DIPK1A: variants seen among roughly 807,000 people sequenced by gnomAD.
DIPK1A encodes the protein family with sequence similarity 69 member A.
A neutral mutation model predicts 40.8 loss-of-function variants in DIPK1A; 27 were observed. That is an observed-to-expected ratio of 0.66 (90% CI 0.49 to 0.91). The LOEUF is 0.91. Ranked by LOEUF, DIPK1A falls within the 40% of genes least tolerant of loss-of-function variation. The pLI is 0.00. For synonymous variants in DIPK1A, 166 were observed against 171.3 expected, an observed-to-expected ratio of 0.97 and a Z score of 0.24; for missense variants, 412 against 505.7, an observed-to-expected ratio of 0.81 and a Z score of 1.78.
chr1:92,896,722 A>G (rs1649182816), intron 1 of DIPK1A, among the ~76,000 whole-genome samples: 1 of 152,158 alleles, frequency 6.6e-6, no homozygotes, highest in African/African-American at 2.4e-5. Flanking sequence ...CAGGCAACCT[A>G]CAGAATGGGA....
intron 1 of DIPK1A, among the ~76,000 whole-genome samples, chr1:92,912,156 T>C (rs1649856424): frequency 6.6e-6 from 1 of 152,056 alleles, no homozygotes; most frequent in Non-Finnish European, 1.5e-5. Context: ...TTTGTTGTCA[T>C]TGGTTTCAAT....
intron 1 of DIPK1A, among the ~76,000 whole-genome samples, chr1:92,940,036 C>T (rs1227735207): frequency 6.6e-6 from 1 of 152,066 alleles, no homozygotes; most frequent in Non-Finnish European, 1.5e-5. Flanking sequence ...ATTAAGCTGG[C>T]TAATGGTGAA....
At chr1:92,958,561 C>T (rs1651935544) in intron 1 of DIPK1A, among the ~76,000 whole-genome samples, 1 of 152,176 alleles carries the variant, frequency 6.6e-6, no homozygotes, top group African/African-American at 2.4e-5. Context: ...TCCCCCCAAA[C>T]AGAACAAGAT....
intron 1 of DIPK1A, among the ~76,000 whole-genome samples, chr1:92,893,331 G>A (rs1317331895): frequency 6.6e-6 from 1 of 151,822 alleles, no homozygotes; most frequent in Non-Finnish European, 1.5e-5. Context: ...AGCCAGAAGA[G>A]AGTGGGGGCC....
rs1398614571 is a variant in DIPK1A, at chr1:92,844,177, C to T, written c.493G>A (p.Gly165Arg). Residue 165 changes from glycine to arginine, a missense_variant, in exon 5 of 5, where the codon GGA becomes AGA. Coordinates refer to ENST00000370310, the MANE Select transcript of DIPK1A (RefSeq NM_001006605.5). ...SLFKAKLGDQ[G>R]NLSELVNLIL... ...AGATTAACCAGTTCAGAGAGGTTTC[C>T]TTGGTCACCCAATTTTGCCTGTCAA... The T allele has an allele frequency of 6.5e-7, 1 of 1,545,360 alleles. No individual in the cohort carries two copies.
At chr1:92,947,179 G>A (rs1470519926) in intron 1 of DIPK1A, among the ~76,000 whole-genome samples, 2 of 152,070 alleles carry the variant, frequency 1.3e-5, no homozygotes, top group African/African-American at 4.8e-5. Flanking sequence ...AATTTTGAAT[G>A]CATTTTTCAA....
intron 1 of DIPK1A, among the ~76,000 whole-genome samples, chr1:92,925,269 AGATTT>A (rs1173223791): frequency 1.3e-5 from 2 of 152,162 alleles, no homozygotes; most frequent in African/African-American, 4.8e-5. Context: ...TGTCTTTACT[AGATTT>A]TAGTATCTGA....
chr1:92,902,188 A>G (rs1051368751), intron 1 of DIPK1A, among the ~76,000 whole-genome samples: 1 of 152,170 alleles, frequency 6.6e-6, no homozygotes, highest in Non-Finnish European at 1.5e-5. Flanking sequence ...GTGCTGCTTC[A>G]ACTTAGGCAC....
intron 1 of DIPK1A, among the ~76,000 whole-genome samples, chr1:92,942,462 T>C (rs953833281): frequency 2.6e-5 from 4 of 152,222 alleles, no homozygotes; most frequent in Non-Finnish European, 4.4e-5. Flanking sequence ...TTAAAACCCA[T>C]TGAACTCAAC....
At chr1:92,914,035 A>C (rs1649945293) in intron 1 of DIPK1A, among the ~76,000 whole-genome samples, 1 of 152,104 alleles carries the variant, frequency 6.6e-6, no homozygotes, top group Non-Finnish European at 1.5e-5. Context: ...TATAATATAC[A>C]TAGACACTCC....
In DIPK1A at chr1:92,843,746, C is replaced by G. The variant is rs1335691135; in HGVS notation, c.924G>C (p.Leu308Phe). 6.4e-7 allele frequency: 1 copy of G among 1,551,730 alleles called. No homozygotes were observed. The highest frequency in any genetic ancestry group is 2.0e-5 in the Admixed American group (1 of 50,988). Residue 308 changes from leucine to phenylalanine, a missense_variant, in exon 5 of 5, where the codon TTG becomes TTC. By Grantham distance (22) the Leu-to-Phe change is conservative. Transcript: ENST00000370310. ...CAATTTTTCTCATATCCACCATTTT[C>G]AAATCATACTTATCATTATATCCTA... ...KNLGYNDKYD[L>F]KMVDMRKIVP...
intron 1 of DIPK1A, among the ~76,000 whole-genome samples, chr1:92,902,215 G>C (rs1234314857): frequency 1.3e-5 from 2 of 152,182 alleles, no homozygotes; most frequent in Non-Finnish European, 2.9e-5. Context: ...GGCCTGAGCA[G>C]CCTAAGTACT....
chr1:92,920,647 C>T (rs1449033238), intron 1 of DIPK1A, among the ~76,000 whole-genome samples: 1 of 152,192 alleles, frequency 6.6e-6, no homozygotes, highest in African/African-American at 2.4e-5. Flanking sequence ...AGAAGATTAA[C>T]AGATGTTTTA....
chr1:92,855,044 A>C (rs1329670090), intron 2 of DIPK1A, among the ~76,000 whole-genome samples: 1 of 152,184 alleles, frequency 6.6e-6, no homozygotes, highest in Non-Finnish European at 1.5e-5. Context: ...CATAGCTCAA[A>C]CATGGCCCAT....
At chr1:92,938,328 C>T (rs1006228141) in intron 1 of DIPK1A, among the ~76,000 whole-genome samples, 2 of 152,044 alleles carry the variant, frequency 1.3e-5, no homozygotes, top group African/African-American at 2.4e-5. Flanking sequence ...CATGGTGGTG[C>T]ATACTTGTAG....
At chr1:92,834,648 A>G (rs753911047) in intron 4 of DIPK1A, 51 of 1,215,574 alleles carry the variant, frequency 4.2e-5, no homozygotes, top group Non-Finnish European at 5.9e-5. Flanking sequence ...TAACCCAGCT[A>G]AGAGTCTTAA....
intron 2 of DIPK1A, among the ~76,000 whole-genome samples, chr1:92,853,670 T>C (rs528088973): frequency 6.6e-6 from 1 of 152,356 alleles, no homozygotes; most frequent in South Asian, 2.1e-4. Context: ...ATAGCTATTA[T>C]TATTTTACAT....
chr1:92,837,246 G>T (rs143356594), downstream of DIPK1A: 297 of 745,240 alleles, frequency 4.0e-4, 1 homozygote, highest in African/African-American at 4.6e-3. Flanking sequence ...AAAGGTTTTT[G>T]TAGCATGAAT....
rs1198446494 is a variant in DIPK1A at position 92,847,166 on chromosome 1, T to A, written c.474+17A>T. 6.7e-7 allele frequency: 1 copy of A among 1,483,346 alleles called. No homozygotes were observed. The highest frequency in any genetic ancestry group is 1.4e-5 in the African/African-American group (1 of 70,160). The allele number at this position is 1,483,346 out of a possible 1,614,324, so 91.9% of individuals were successfully genotyped here. A position where few individuals can be genotyped will look rare whatever the true frequency, so the allele number is the denominator to read the frequency against. Reference sequence around the variant, plus strand: ...AGTCCCACTTCACACTAGCAACATATGAATGGGTATGCTTACCTTAAAGAG... The same window carrying A: ...AGTCCCACTTCACACTAGCAACATAAGAATGGGTATGCTTACCTTAAAGAG... On this transcript the variant is annotated intron_variant, in intron 4 of 4. Coordinates refer to ENST00000370310, the MANE Select transcript of DIPK1A (RefSeq NM_001006605.5).
Sources: allele counts gnomAD v4.1 joint callset (sites outside exome capture counted in the v4.1 genomes callset), GRCh38; gene constraint gnomAD v4.1.1; transcripts MANE v1.5; gene names NCBI Gene and HGNC (gene_info 2026-07-23, HGNC 2026-07-21).